LRRIQ1: variants seen among roughly 807,000 people sequenced by gnomAD.
The protein encoded by LRRIQ1 is leucine-rich repeat- and IQ domain-containing protein 1.
LRRIQ1 carries 210 observed loss-of-function variants against 211.9 expected under a neutral mutation model. That is an observed-to-expected ratio of 0.99 (90% confidence interval 0.89 to 1.11). The LOEUF (loss-of-function observed/expected upper bound fraction) is 1.11. LRRIQ1 is among the 50% of genes most tolerant of loss of function. The pLI is 0.00. For synonymous variants in LRRIQ1, 699 were observed against 650.1 expected, an observed-to-expected ratio of 1.08 and a Z score of -1.14; for missense variants, 2,136 against 1,939.5, an observed-to-expected ratio of 1.10 and a Z score of -1.90.
At chr12:85,217,778 C>CTA (rs1894225305) in intron 24 of LRRIQ1, among the ~76,000 whole-genome samples, 1 of 123,066 alleles carries the variant, frequency 8.1e-6, no homozygotes. Context: ...GTGTGTCTCT[C>CTA]TCTATATATA....
chr12:85,056,519 A>G lies in LRRIQ1; in HGVS notation c.1726A>G (p.Lys576Glu). The change falls in exon 8 of 27, where the codon AAA (lysine) becomes GAA (glutamate). Residue 576 changes from lysine (K) to glutamate (E), a missense_variant. By Grantham distance (56) the Lys-to-Glu change is moderately conservative. Transcript: ENST00000393217. ...AACCAATGAAGAGCAGAAAATAATC[A>G]AAGATAATCAGCAGAAAAAGATACA... ...VKTNEEQKII[K>E]DNQQKKIQKV... 1 of 1,612,076 alleles carries G rather than the reference A, an allele frequency of 6.2e-7. No homozygotes were observed. The highest frequency in any genetic ancestry group is 1.1e-5 in the South Asian group (1 of 90,662).
At chr12:85,194,573 A>G (rs1395830529) in intron 24 of LRRIQ1, among the ~76,000 whole-genome samples, 3 of 151,234 alleles carry the variant, frequency 2.0e-5, no homozygotes, top group African/African-American at 4.9e-5. Context: ...CTGAATGACT[A>G]CTGGGTACAT....
At chr12:85,051,458 C>T (rs571693401) in intron 6 of LRRIQ1, among the ~76,000 whole-genome samples, 64 of 152,256 alleles carry the variant, frequency 4.2e-4, no homozygotes, top group African/African-American at 1.5e-3. Context: ...TGATGATTTT[C>T]ATAAAAACAG....
intron 8 of LRRIQ1, among the ~76,000 whole-genome samples, chr12:85,062,444 T>A (rs923940796): frequency 6.6e-6 from 1 of 151,884 alleles, no homozygotes; most frequent in African/African-American, 2.4e-5. Flanking sequence ...AATGAGAATA[T>A]GTGGTATTTG....
chr12:85,085,528 T>A (rs1387171588), intron 11 of LRRIQ1, among the ~76,000 whole-genome samples: 2 of 152,174 alleles, frequency 1.3e-5, no homozygotes, highest in African/African-American at 4.8e-5. Flanking sequence ...GTATGCATAA[T>A]CCCTTTACCC....
chr12:85,269,390 T>G (rs1286059450), downstream of LRRIQ1, among the ~76,000 whole-genome samples: 1 of 152,058 alleles, frequency 6.6e-6, no homozygotes, highest in Non-Finnish European at 1.5e-5. Flanking sequence ...GGTAATTTAA[T>G]TCAAATATGA....
At chr12:85,070,755 T>C (rs529132955) in intron 10 of LRRIQ1, among the ~76,000 whole-genome samples, 13 of 152,106 alleles carry the variant, frequency 8.5e-5, no homozygotes, top group African/African-American at 2.6e-4. Context: ...TTTAGACTTA[T>C]AGCTGTATTC....
At chr12:85,156,957 G>A (rs1890583643) in intron 23 of LRRIQ1, among the ~76,000 whole-genome samples, 1 of 151,820 alleles carries the variant, frequency 6.6e-6, no homozygotes, top group Non-Finnish European at 1.5e-5. Flanking sequence ...TCAAATTTCT[G>A]CCACAGAAAA....
chr12:85,244,721 G>A (rs2137275713), intron 26 of LRRIQ1, 68 bp from the exon 27 acceptor site: 1 of 1,344,784 alleles, frequency 7.4e-7, no homozygotes, highest in East Asian at 2.3e-5. Flanking sequence ...TTGGGGTAAT[G>A]TGAGCTGCAT....
exon 2 of LRRIQ1, chr12:85,263,927 G>A (rs981149053): frequency 6.6e-6 from 1 of 151,908 alleles, no homozygotes; most frequent in Admixed American, 6.6e-5. Flanking sequence ...TTTACAAAAT[G>A]CTGTGTTTAC....
intron 24 of LRRIQ1, chr12:85,162,846 A>G (rs558614633): frequency 9.1e-5 from 41 of 452,346 alleles, no homozygotes; most frequent in African/African-American, 6.4e-4. Flanking sequence ...AGTTTTATGT[A>G]TTTACCAGAT....
rs1202323054 is a variant in LRRIQ1 at position 85,194,531 on chromosome 12, G to A, written c.4822+33817G>A. On this transcript the variant is annotated intron_variant, in intron 24 of 26. Coordinates refer to ENST00000393217, the MANE Select transcript of LRRIQ1 (RefSeq NM_001079910.2). ...AGGATTAAGAATCTCACTCAAAACC[G>A]CTCAACTACATGGAAACTGAACAAC... Among the ~76,000 whole-genome samples, 9 of 148,824 alleles carry A rather than the reference G, an allele frequency of 6.0e-5. 1 individual carries two copies. The South Asian group carries it at 8.7e-4, about 14-fold the overall frequency.
chr12:85,085,073 A>G (rs1884680182), intron 11 of LRRIQ1, among the ~76,000 whole-genome samples: 1 of 152,152 alleles, frequency 6.6e-6, no homozygotes, highest in Admixed American at 6.5e-5. Context: ...TCCTACAGAT[A>G]ATTTACTAAG....
intron 25 of LRRIQ1, among the ~76,000 whole-genome samples, chr12:85,231,233 A>G (rs1894923475): frequency 6.6e-6 from 1 of 152,204 alleles, no homozygotes; most frequent in Non-Finnish European, 1.5e-5. Flanking sequence ...TTAATAATAT[A>G]TATAAACCTA....
chr12:85,047,493 G>T (rs772134707), intron 6 of LRRIQ1, 23 bp downstream of exon 6: 3 of 1,589,740 alleles, frequency 1.9e-6, no homozygotes, highest in Non-Finnish European at 2.6e-6. Context: ...TGTTTTTCAT[G>T]TATTTTTAAA....
chr12:85,109,772 A>T (rs1226891956), intron 15 of LRRIQ1, among the ~76,000 whole-genome samples: 1 of 152,174 alleles, frequency 6.6e-6, no homozygotes, highest in African/African-American at 2.4e-5. Flanking sequence ...GAAAACCACC[A>T]TTTTAAAACA....
rs138891710 is a variant in LRRIQ1 at position 85,173,625 on chromosome 12, ACACACACACG to A, written c.4822+12921_4822+12930del. Among the ~76,000 whole-genome samples, 62 of 152,070 alleles carry A rather than the reference ACACACACACG, an allele frequency of 4.1e-4. No homozygotes were observed. The East Asian group carries it at 0.01, about 26-fold the overall frequency. On this transcript the variant is annotated intron_variant, in intron 24 of 26. Coordinates refer to ENST00000393217, the MANE Select transcript of LRRIQ1 (RefSeq NM_001079910.2). Reference sequence around the variant, plus strand: ...ACTACACACGCAATCTCTCATACACACACACACACGCACACACACATACACACACACACAG... The same window carrying A: ...ACTACACACGCAATCTCTCATACACACACACACACATACACACACACACAG...
Position 85,056,202 on chromosome 12 carries a change from C to T in LRRIQ1, c.1409C>T (p.Ser470Leu), listed in dbSNP as rs140993343. The T allele has an allele frequency of 9.2e-5, 145 of 1,571,480 alleles. No homozygotes were observed. Among genetic ancestry groups the T allele is most frequent in the Non-Finnish European group, 1.7e-5 (20 of 1,167,884 alleles). The change falls in exon 8 of 27, where the codon TCA (serine) becomes TTA (leucine). Residue 470 changes from serine (S) to leucine (L), a missense_variant. Physicochemically the swap from Ser to Leu is moderately radical, Grantham distance 145 (BLOSUM62 -2). Transcript: ENST00000393217. ...SIQVKLKESI[S>L]SQTILADFKM... Reference sequence around the variant, plus strand: ...CAAGTAAAGTTAAAAGAATCTATATCAAGCCAAACAATTCTGGCAGATTTT... The same window carrying T: ...CAAGTAAAGTTAAAAGAATCTATATTAAGCCAAACAATTCTGGCAGATTTT...
At chr12:85,080,251 A>G (rs1025833656) in intron 11 of LRRIQ1, among the ~76,000 whole-genome samples, 4 of 151,560 alleles carry the variant, frequency 2.6e-5, no homozygotes, top group African/African-American at 9.7e-5. Context: ...TTCTTTGTCC[A>G]TTTTGGTTAC....
Sources: gnomAD v4.1 joint callset for allele counts (sites outside exome capture counted in the v4.1 genomes callset) on GRCh38, gnomAD v4.1.1 for gene constraint, MANE v1.5 for transcripts, NCBI Gene and HGNC (gene_info 2026-07-23, HGNC 2026-07-21) for gene names.